ATP2B4: variants seen among roughly 807,000 people sequenced by gnomAD.
ATP2B4 encodes the protein ATPase plasma membrane Ca2+ transporting 4, also known as plasma membrane calcium-transporting ATPase 4.
Under a neutral mutation model 110.3 loss-of-function variants are expected in ATP2B4, and 39 were observed. The observed-to-expected ratio is 0.35, with a 90% CI of 0.27 to 0.46. The LOEUF is 0.46. Ranked by LOEUF, ATP2B4 falls within the 20% of genes least tolerant of loss-of-function variation. ATP2B4 has a pLI of 1.00. For missense variants in ATP2B4, 1,135 were observed against 1,530.9 expected, an observed-to-expected ratio of 0.74 and a Z score of 4.32; for synonymous variants, 538 against 571.7, an observed-to-expected ratio of 0.94 and a Z score of 0.84.
intron 1 of ATP2B4, among the ~76,000 whole-genome samples, chr1:203,632,862 G>A (rs978074316): frequency 6.6e-5 from 10 of 152,108 alleles, no homozygotes; most frequent in Non-Finnish European, 1.3e-4. Context: ...TCTCACTATG[G>A]AAAAAGAGAG....
Position 203,627,164 on chromosome 1 carries a change from G to C in ATP2B4, c.-520G>C, listed in dbSNP as rs947887428. 1 of 152,268 alleles carries C rather than the reference G, an allele frequency of 6.6e-6. No individual in the cohort carries two copies. Among genetic ancestry groups the C allele is most frequent in the African/African-American group, 2.4e-5 (1 of 41,478 alleles). 9.4% of individuals were successfully genotyped at this position (152,268 alleles called of 1,614,324 possible). A position where few individuals can be genotyped will look rare whatever the true frequency, so the allele number is the denominator to read the frequency against. Reference sequence around the variant, plus strand: ...TCACCCCACCCTACCCTCATCCATGGAAACCCGGAGGGAGAGTCCCGCCTG... The same window carrying C: ...TCACCCCACCCTACCCTCATCCATGCAAACCCGGAGGGAGAGTCCCGCCTG... On this transcript the variant is annotated 5_prime_UTR_variant, in exon 1 of 21. Coordinates refer to ENST00000357681, the MANE Select transcript of ATP2B4 (RefSeq NM_001684.5).
intron 8 of ATP2B4, among the ~76,000 whole-genome samples, chr1:203,705,669 A>G (rs1665829029): frequency 6.6e-6 from 1 of 152,216 alleles, no homozygotes; most frequent in South Asian, 2.1e-4. Context: ...TGCCGGCCTC[A>G]GCCTCCCAAA....
At chr1:203,733,411 G>A in intron 20 of ATP2B4, 1 of 1,608,754 alleles carries the variant, frequency 6.2e-7, no homozygotes, top group Non-Finnish European at 8.5e-7. Flanking sequence ...GTGAGTGATA[G>A]TCTATTATGA....
intron 3 of ATP2B4, 144 bp downstream of exon 3, chr1:203,698,498 C>A: frequency 1.2e-6 from 1 of 819,310 alleles, no homozygotes; most frequent in Non-Finnish European, 1.9e-6. Context: ...GGAAACCAAG[C>A]AGTAGCTACT....
rs1466198656 is a variant in ATP2B4, at chr1:203,709,325, C to T, written c.1582C>T (p.Pro528Ser). 6.2e-7 allele frequency: 1 copy of T among 1,614,188 alleles called. No homozygotes were observed. Among genetic ancestry groups the T allele is most frequent in the South Asian group, 1.1e-5 (1 of 91,090 alleles). ...GCCTCCAGAGAAGGAGGGAGGCCTG[C>T]CTCGGCAGGTGGGCAACAAGACCGA... ...ILPPEKEGGLPRQVGNKTECA... is the reference protein window; with the variant it reads ...ILPPEKEGGLSRQVGNKTECA... The change falls in exon 11 of 21, where the codon CCT becomes TCT. Residue 528 changes from proline to serine, a missense_variant. Coordinates refer to ENST00000357681, the MANE Select transcript of ATP2B4 (RefSeq NM_001684.5).
intron 20 of ATP2B4, among the ~76,000 whole-genome samples, chr1:203,733,058 A>G (rs1006436417): frequency 2.6e-5 from 4 of 152,022 alleles, no homozygotes; most frequent in Non-Finnish European, 4.4e-5. Flanking sequence ...TCTCCTCACC[A>G]TTGCTTTTTG....
intron 13 of ATP2B4, 49 bp downstream of exon 13, chr1:203,712,188 C>T: frequency 6.3e-7 from 1 of 1,588,742 alleles, no homozygotes; most frequent in Non-Finnish European, 8.6e-7. Context: ...AAGGAAAAGG[C>T]GGGTTCTAGC....
chr1:203,731,574 C>T (rs941166230), intron 20 of ATP2B4, among the ~76,000 whole-genome samples: 5 of 152,110 alleles, frequency 3.3e-5, no homozygotes, highest in South Asian at 2.1e-4. Context: ...ATGGCATGGC[C>T]GGGCGCGGTG....
chr1:203,637,582 A>G (rs1225615949), intron 1 of ATP2B4, among the ~76,000 whole-genome samples: 2 of 152,148 alleles, frequency 1.3e-5, no homozygotes, highest in African/African-American at 2.4e-5. Flanking sequence ...TTAGGTTTTC[A>G]TCTGAGCTGT....
intron 1 of ATP2B4, among the ~76,000 whole-genome samples, chr1:203,674,618 C>T (rs982355953): frequency 2.2e-5 from 3 of 133,872 alleles, no homozygotes; most frequent in East Asian, 2.5e-4. Context: ...GGATCACAGG[C>T]GTGCAACACC....
chr1:203,713,305 G>T, intron 14 of ATP2B4, 53 bp downstream of exon 14: 1 of 1,603,854 alleles, frequency 6.2e-7, no homozygotes, highest in Non-Finnish European at 8.5e-7. Flanking sequence ...AGGCCAGGGC[G>T]AGGACAGATA....
At chr1:203,670,773 C>A (rs147860662) in intron 1 of ATP2B4, among the ~76,000 whole-genome samples, 2 of 152,224 alleles carry the variant, frequency 1.3e-5, no homozygotes, top group African/African-American at 4.8e-5. Context: ...TATGAGCTAA[C>A]CAGGGCTGTC....
rs377636630 is a variant in ATP2B4 at position 203,709,370 on chromosome 1, G to A, written c.1627G>A (p.Val543Ile). Reference sequence around the variant, plus strand: ...GACCGAGTGTGCTCTGCTAGGCTTTGTCACAGATCTGAAGCAGGATTATCA... The same window carrying A: ...GACCGAGTGTGCTCTGCTAGGCTTTATCACAGATCTGAAGCAGGATTATCA... ...NKTECALLGF[V>I]TDLKQDYQAV... The change falls in exon 11 of 21, where the codon GTC becomes ATC. Residue 543 changes from valine (V) to isoleucine (I), a missense_variant. Coordinates refer to ENST00000357681, the MANE Select transcript of ATP2B4 (RefSeq NM_001684.5). 5.1e-5 allele frequency: 82 copies of A among 1,614,084 alleles called. No individual in the cohort carries two copies. Among genetic ancestry groups the A allele is most frequent in the Non-Finnish European group, 6.3e-5 (74 of 1,180,034 alleles).
chr1:203,686,336 C>A (rs1461033899), intron 2 of ATP2B4, among the ~76,000 whole-genome samples: 2 of 152,172 alleles, frequency 1.3e-5, no homozygotes, highest in Non-Finnish European at 2.9e-5. Flanking sequence ...GAAGCTGGAA[C>A]CTAGAGAACT....
In ATP2B4 at chr1:203,719,308, AT is replaced by A. The variant is rs1224519345; in HGVS notation, c.2407-1240del. ...TACAAAACAAGGTATATTCATACAA[AT>A]CCGGCTTCCACCCTCATTGCCTTTG... On this transcript the variant is annotated intron_variant, in intron 15 of 20. Coordinates refer to ENST00000357681, the MANE Select transcript of ATP2B4 (RefSeq NM_001684.5). 6.1e-5 allele frequency among the ~76,000 whole-genome samples: 9 copies of A among 147,206 alleles called. No individual in the cohort carries two copies. In the South Asian group the frequency reaches 1.2e-3, roughly 19 times the overall value.
At position 203,739,903 on chromosome 1, in the gene ATP2B4, T is replaced by C. The variant is rs755864039; in HGVS notation, c.*49T>C. On this transcript the variant is annotated 3_prime_UTR_variant, in exon 21 of 21. Transcript: ENST00000357681. Reference sequence around the variant, plus strand: ...CCTATTTTACCTATTTCCATTTTCGTCTATCCCATCTATGAGGTGATGATG... The same window carrying C: ...CCTATTTTACCTATTTCCATTTTCGCCTATCCCATCTATGAGGTGATGATG... 7 of 1,551,812 alleles carry C rather than the reference T, an allele frequency of 4.5e-6. No individual in the cohort carries two copies. In the Admixed American group the frequency reaches 1.1e-4, roughly 24 times the overall value.
chr1:203,652,160 T>C (rs1232143858), intron 1 of ATP2B4, among the ~76,000 whole-genome samples: 1 of 108,458 alleles, frequency 9.2e-6, no homozygotes, highest in Admixed American at 9.5e-5. Flanking sequence ...TTTTTTTTTT[T>C]CTGACACAGA....
Position 203,703,833 on chromosome 1 carries a change from G to A in ATP2B4, c.1099+20G>A, listed in dbSNP as rs759476576. 9 of 1,610,168 alleles carry A rather than the reference G, an allele frequency of 5.6e-6. No homozygotes were observed. The highest frequency in any genetic ancestry group is 2.7e-5 in the African/African-American group (2 of 74,812). On this transcript the variant is annotated intron_variant, in intron 8 of 20. Coordinates refer to ENST00000357681, the MANE Select transcript of ATP2B4 (RefSeq NM_001684.5). ...AAGCCGGTGAGTAGGGTAGAGCCTC[G>A]TTGTGGTTTATCAATGTTGTCTTGG...
intron 1 of ATP2B4, among the ~76,000 whole-genome samples, chr1:203,675,448 C>A (rs1056688415): frequency 6.6e-6 from 1 of 152,108 alleles, no homozygotes; most frequent in Non-Finnish European, 1.5e-5. Context: ...AACATCCTTG[C>A]ACATGCCCCC....
Sources: gnomAD v4.1 joint callset for allele counts (sites outside exome capture counted in the v4.1 genomes callset) on GRCh38, gnomAD v4.1.1 for gene constraint, MANE v1.5 for transcripts, NCBI Gene and HGNC (gene_info 2026-07-23, HGNC 2026-07-21) for gene names.